DNAH10: variants seen among roughly 807,000 people sequenced by gnomAD.
DNAH10 encodes dynein axonemal heavy chain 10, also known as axonemal beta dynein heavy chain 10.
DNAH10 carries 348 observed loss-of-function variants against 506.6 expected under a neutral mutation model. The observed-to-expected ratio is 0.69, with a 90% CI of 0.63 to 0.75. The LOEUF is 0.75. DNAH10 is among the 30% of genes least tolerant of loss of function. DNAH10 has a pLI of 0.00. For synonymous variants in DNAH10, 2,059 were observed against 2,198.6 expected, an observed-to-expected ratio of 0.94 and a Z score of 1.78; for missense variants, 5,179 against 5,787.1, an observed-to-expected ratio of 0.89 and a Z score of 3.41.
At position 123,784,118 on chromosome 12, in the gene DNAH10, T is replaced by C. The variant is rs759870580; in HGVS notation, c.1171T>C (p.Phe391Leu). The change falls in exon 8 of 79, where the codon TTC becomes CTC. Residue 391 changes from phenylalanine (F) to leucine (L), a missense_variant. By Grantham distance (22) the Phe-to-Leu change is conservative. This residue lies in a region of DNAH10 where 4,844 missense variants were observed against 5,430.5 expected (regional missense o/e 0.89). Coordinates refer to ENST00000673944, the MANE Select transcript of DNAH10 (RefSeq NM_001372106.1). ...LQPVFTELFK[F>L]HTEASDNVRF... ...GCCAGTGTTCACCGAGTTATTCAAG[T>C]TCCACACGGAGGCCTCAGACAATGT... is the stretch of plus-strand genomic sequence containing the variant. 8 of 1,614,246 alleles carry C rather than the reference T, an allele frequency of 5.0e-6. No homozygotes were observed. In the South Asian group the frequency reaches 8.8e-5, roughly 18 times the overall value.
At chr12:123,816,455 A>G (rs1959146157) in intron 21 of DNAH10, among the ~76,000 whole-genome samples, 1 of 152,240 alleles carries the variant, frequency 6.6e-6, no homozygotes, top group African/African-American at 2.4e-5. Context: ...GAGAGCTTCC[A>G]GGTTGTTAAC....
At chr12:123,774,012 G>A (rs1266407170) in intron 4 of DNAH10, 137 bp from the exon 5 acceptor site, 1 of 629,164 alleles carries the variant, frequency 1.6e-6, no homozygotes, top group African/African-American at 1.8e-5. Context: ...ACACAAATAG[G>A]GGATATTCTG....
intron 78 of DNAH10, 150 bp downstream of exon 78, chr12:123,934,916 C>T: frequency 1.9e-6 from 2 of 1,039,696 alleles, no homozygotes; most frequent in East Asian, 2.6e-5. Flanking sequence ...GTGATAAAAG[C>T]TACGGATAGC....
chr12:123,926,374 G>T lies in DNAH10; in HGVS notation c.11922-263G>T. On this transcript the variant is annotated intron_variant, in intron 68 of 78. Coordinates refer to ENST00000673944, the MANE Select transcript of DNAH10 (RefSeq NM_001372106.1). The surrounding 1 kb of genome is among the most constrained non-coding windows in gnomAD (Gnocchi z 4.1). ...ATGGGCAGGCCCACCTAGAGGGCAA[G>T]CTGAGGTGCCCAGCTCAGCACAAAC... The T allele has an allele frequency of 2.3e-6, 1 of 429,436 alleles. No homozygotes were observed. Among genetic ancestry groups the T allele is most frequent in the Non-Finnish European group, 4.0e-6 (1 of 247,610 alleles). 26.6% of individuals were successfully genotyped at this position (429,436 alleles called of 1,614,324 possible). A position where few individuals can be genotyped will look rare whatever the true frequency, so the allele number is the denominator to read the frequency against.
At chr12:123,833,708 AC>A (rs1490022169) in intron 27 of DNAH10, among the ~76,000 whole-genome samples, 6 of 152,096 alleles carry the variant, frequency 3.9e-5, no homozygotes, top group African/African-American at 1.4e-4. Flanking sequence ...CGATTTCTCT[AC>A]ACTTTTTAAA....
chr12:123,771,570 A>G (rs746450036), intron 2 of DNAH10, 31 bp from the exon 3 acceptor site: 2 of 1,591,686 alleles, frequency 1.3e-6, no homozygotes, highest in Non-Finnish European at 1.7e-6. Context: ...TTTTCTGATT[A>G]TTTTCTCTTA....
rs1230385055 is a variant in DNAH10 at position 123,800,073 on chromosome 12, A to G, written c.2290-143A>G. On this transcript the variant is annotated intron_variant, in intron 14 of 78. Coordinates refer to ENST00000673944, the MANE Select transcript of DNAH10 (RefSeq NM_001372106.1). ...TCTCCGTTCACCAAACAAAATACAT[A>G]TTCCAGCCAGTTCCAGCCAGCACCC... is the stretch of plus-strand genomic sequence containing the variant. 1.1e-5 allele frequency: 7 copies of G among 657,420 alleles called. No homozygotes were observed. In the African/African-American group the frequency reaches 1.3e-4, roughly 12 times the overall value. The allele number at this position is 657,420 out of a possible 1,614,324, so 40.7% of individuals were successfully genotyped here. A position where few individuals can be genotyped will look rare whatever the true frequency, so the allele number is the denominator to read the frequency against.
At chr12:123,781,433 C>G (rs376297367) in intron 6 of DNAH10, 134 bp downstream of exon 6, 1 of 842,684 alleles carries the variant, frequency 1.2e-6, no homozygotes, top group Non-Finnish European at 1.8e-6. Context: ...CGGGGTCTCA[C>G]TTTGTCGCTC....
intron 21 of DNAH10, among the ~76,000 whole-genome samples, 197 bp from the exon 22 acceptor site, chr12:123,818,753 A>G (rs1205160972): frequency 1.3e-5 from 2 of 152,186 alleles, no homozygotes; most frequent in Non-Finnish European, 2.9e-5. Context: ...AAGTACTGGG[A>G]TTACAGCCAT....
intron 10 of DNAH10, among the ~76,000 whole-genome samples, chr12:123,789,135 C>T (rs1957981747): frequency 6.6e-6 from 1 of 151,780 alleles, no homozygotes; most frequent in Admixed American, 6.6e-5. Context: ...GTAATCCCAG[C>T]TATTTGGGAG....
At chr12:123,869,918 TC>T (rs565422893) in intron 43 of DNAH10, among the ~76,000 whole-genome samples, 35 of 152,332 alleles carry the variant, frequency 2.3e-4, no homozygotes, top group African/African-American at 7.0e-4. Flanking sequence ...TGTCCGTTGT[TC>T]CTGCCCCTCT....
At chr12:123,887,507 G>T (rs1445602304) in intron 52 of DNAH10, among the ~76,000 whole-genome samples, 194 bp downstream of exon 52, 1 of 152,240 alleles carries the variant, frequency 6.6e-6, no homozygotes, top group African/African-American at 2.4e-5. Flanking sequence ...TCTCCCGAGT[G>T]TGCCCCCTTC....
rs781258671 is a variant in DNAH10, at chr12:123,917,741, G to A, written c.11160G>A (p.Thr3720=). The A allele has an allele frequency of 1.7e-5, 26 of 1,572,648 alleles. No homozygotes were observed. The highest frequency in any genetic ancestry group is 1.2e-4 in the South Asian group (10 of 85,060). ...LEDSLLRELA[T]STGNMLDNVD... Reference sequence around the variant, plus strand: ...ATTCCCTCCTTCGGGAGCTGGCCACGTCCACGGGGAACATGCTGGACAATG... The same window carrying A: ...ATTCCCTCCTTCGGGAGCTGGCCACATCCACGGGGAACATGCTGGACAATG... The change falls in exon 64 of 79, where the codon ACG becomes ACA. Residue 3720 remains threonine (T), a synonymous_variant. Coordinates refer to ENST00000673944, the MANE Select transcript of DNAH10 (RefSeq NM_001372106.1). The surrounding 1 kb of genome is among the most constrained non-coding windows in gnomAD (Gnocchi z 5.6).
At chr12:123,803,252 G>A (rs80079638) in intron 16 of DNAH10, among the ~76,000 whole-genome samples, 4,155 of 152,214 alleles carry the variant, frequency 0.027, 192 homozygotes, top group African/African-American at 0.095. Flanking sequence ...AAGTGAGACC[G>A]ATCGTAAGTA....
Position 123,866,038 on chromosome 12 carries a change from T to C in DNAH10, c.7132T>C (p.Tyr2378His). Residue 2378 changes from tyrosine (Y) to histidine (H), a missense_variant, in exon 41 of 79, where the codon TAC becomes CAC. Tyr to His is a moderately conservative substitution (Grantham distance 83). Coordinates refer to ENST00000673944, the MANE Select transcript of DNAH10 (RefSeq NM_001372106.1). ...TCCTAAAAACTTGAAATATCGACCA[T>C]ACTGGAAAAAATGGGTTAATCAAAT... Reference protein sequence around the residue: ...VDPKNLKYRPYWKKWVNQIPN... With the variant: ...VDPKNLKYRPHWKKWVNQIPN... 6.2e-7 allele frequency: 1 copy of C among 1,610,698 alleles called. No individual in the cohort carries two copies. The highest frequency in any genetic ancestry group is 2.2e-5 in the East Asian group (1 of 44,778).
At chr12:123,771,095 G>A (rs148206041) in intron 2 of DNAH10, among the ~76,000 whole-genome samples, 2 of 148,304 alleles carry the variant, frequency 1.3e-5, no homozygotes, top group African/African-American at 2.5e-5. Flanking sequence ...TCAGCCTCCC[G>A]AGTAGCTGCG....
In DNAH10 at chr12:123,850,203, C is replaced by T. The variant is rs1244497402; in HGVS notation, c.6103-685C>T. On this transcript the variant is annotated intron_variant, in intron 34 of 78. Coordinates refer to ENST00000673944, the MANE Select transcript of DNAH10 (RefSeq NM_001372106.1). This position sits in a 1 kb window ranked among gnomAD's most constrained non-coding sequence, Gnocchi z 5.5. ...AACAACAAAAATTTTCTGTCCTCTGCCTGGCTGGTGGACAATCAAAAAAAA... is the reference window on the plus strand; with the variant it reads ...AACAACAAAAATTTTCTGTCCTCTGTCTGGCTGGTGGACAATCAAAAAAAA... 1.3e-5 allele frequency among the ~76,000 whole-genome samples: 2 copies of T among 151,962 alleles called. No individual in the cohort carries two copies. Among genetic ancestry groups the T allele is most frequent in the African/African-American group, 2.4e-5 (1 of 41,378 alleles).
At chr12:123,819,329 C>A in intron 23 of DNAH10, 79 bp downstream of exon 23, 2 of 1,046,640 alleles carry the variant, frequency 1.9e-6, no homozygotes, top group Admixed American at 2.2e-5. Flanking sequence ...AGTTTTATGG[C>A]AAGTGATGAT....
chr12:123,830,470 G>T, intron 25 of DNAH10, 76 bp from the exon 26 acceptor site: 6 of 1,409,452 alleles, frequency 4.3e-6, no homozygotes, highest in Non-Finnish European at 5.7e-6. Context: ...GATTTGTCCT[G>T]TGATTTAAAT....
Sources: allele counts gnomAD v4.1 joint callset (sites outside exome capture counted in the v4.1 genomes callset), GRCh38; gene constraint gnomAD v4.1.1; regional missense constraint gnomAD v4.1.1; non-coding constraint Gnocchi (gnomAD v3.1); transcripts MANE v1.5; gene names NCBI Gene and HGNC (gene_info 2026-07-23, HGNC 2026-07-21).